Variants in TYW1B observed in about 807,000 individuals in gnomAD.
The protein encoded by TYW1B is S-adenosyl-L-methionine-dependent tRNA 4-demethylwyosine synthase TYW1B.
In TYW1B, 73 loss-of-function variants were observed where a neutral mutation model predicts 86.9. The ratio of observed to expected loss-of-function variants is 0.84; its 90% CI spans 0.70 to 1.02. The LOEUF (loss-of-function observed/expected upper bound fraction) is 1.02. TYW1B is among the 50% of genes least tolerant of loss of function. The pLI, the probability that TYW1B is intolerant of heterozygous loss-of-function variation, is 0.00. For synonymous variants in TYW1B, 248 were observed against 292.8 expected, an observed-to-expected ratio of 0.85 and a Z score of 1.56; for missense variants, 637 against 827.4, an observed-to-expected ratio of 0.77 and a Z score of 2.82.
intron 11 of TYW1B, among the ~76,000 whole-genome samples, chr7:72,681,160 C>T (rs1813864851): frequency 6.6e-6 from 1 of 152,116 alleles, no homozygotes; most frequent in Admixed American, 6.6e-5. Flanking sequence ...TTTCAGAGAC[C>T]CAAGCTTTCA....
intron 3 of TYW1B, among the ~76,000 whole-genome samples, chr7:72,812,237 A>T (rs1554478493): frequency 6.6e-6 from 1 of 152,038 alleles, no homozygotes; most frequent in African/African-American, 2.4e-5. Context: ...CCTTACACAC[A>T]TAGCCTGTAG....
chr7:72,761,961 C>T (rs373479828), intron 7 of TYW1B, among the ~76,000 whole-genome samples: 6 of 151,538 alleles, frequency 4.0e-5, no homozygotes, highest in Admixed American at 1.3e-4. Context: ...GAATTCTGCA[C>T]GTGATTAAGT....
At chr7:72,663,777 A>AAG (rs1813395015) in intron 11 of TYW1B, among the ~76,000 whole-genome samples, 2 of 150,558 alleles carry the variant, frequency 1.3e-5, no homozygotes, top group African/African-American at 2.4e-5. Flanking sequence ...AAAAAAAAAA[A>AAG]AAAAAAAATC....
chr7:72,713,646 T>C lies in TYW1B; in HGVS notation c.1345A>G (p.Asn449Asp). The C allele has an allele frequency of 6.2e-7, 1 of 1,614,080 alleles. No individual in the cohort carries two copies. Among genetic ancestry groups the C allele is most frequent in the Admixed American group, 1.7e-5 (1 of 59,992 alleles). The change falls in exon 10 of 14, where the codon AAT becomes GAT. Residue 449 changes from asparagine (N) to aspartate (D), a missense_variant. Coordinates refer to ENST00000620995, the MANE Select transcript of TYW1B (RefSeq NM_001145440.3). ...CTGATTTCCGCAGGAAATTGTGCAT[T>C]TGTGACCAGGAAGCTGGAGATTTTA... ...QCKISSFLVT[N>D]AQFPAEIRNL... is the part of the protein sequence containing the mutation.
intron 3 of TYW1B, among the ~76,000 whole-genome samples, chr7:72,811,413 C>T (rs1178331736): frequency 6.6e-6 from 1 of 151,928 alleles, no homozygotes; most frequent in East Asian, 1.9e-4. Context: ...GAGAAAACAA[C>T]AGCTCACGTT....
intron 13 of TYW1B, among the ~76,000 whole-genome samples, chr7:72,577,350 A>G (rs1196138367): frequency 6.6e-6 from 1 of 152,220 alleles, no homozygotes; most frequent in Non-Finnish European, 1.5e-5. Context: ...TATGAATTAG[A>G]GGAAATTTTC....
At chr7:72,608,157 AC>A (rs1164537587) in intron 13 of TYW1B, among the ~76,000 whole-genome samples, 2 of 152,222 alleles carry the variant, frequency 1.3e-5, no homozygotes, top group Non-Finnish European at 2.9e-5. Flanking sequence ...TTGCTATCAC[AC>A]TGGCTCTAAG....
intron 11 of TYW1B, among the ~76,000 whole-genome samples, chr7:72,675,556 T>TATAC (rs1491419640): frequency 2.3e-4 from 31 of 136,038 alleles, no homozygotes; most frequent in Admixed American, 1.6e-3. Context: ...TATATATATA[T>TATAC]ACACACATAT....
chr7:72,759,743 GAGA>G (rs1787656271), intron 7 of TYW1B, among the ~76,000 whole-genome samples: 2 of 152,318 alleles, frequency 1.3e-5, no homozygotes, highest in Admixed American at 1.3e-4. Context: ...AAAAGAGAGA[GAGA>G]AGTCTTTTAA....
chr7:72,761,298 G>GT (rs1283430139), intron 7 of TYW1B, among the ~76,000 whole-genome samples: 1 of 151,928 alleles, frequency 6.6e-6, no homozygotes, highest in African/African-American at 2.4e-5. Flanking sequence ...TGCTTTCTAG[G>GT]TTTTCACTAA....
At chr7:72,612,502 T>C in intron 13 of TYW1B, among the ~76,000 whole-genome samples, 1 of 152,196 alleles carries the variant, frequency 6.6e-6, no homozygotes. Context: ...AGCGAGATAC[T>C]GCATTGTCTT....
At chr7:72,759,735 A>G (rs1330158143) in intron 7 of TYW1B, among the ~76,000 whole-genome samples, 2 of 152,186 alleles carry the variant, frequency 1.3e-5, no homozygotes, top group East Asian at 1.9e-4. Flanking sequence ...TATTCTTAAA[A>G]AGAGAGAGAG....
intron 13 of TYW1B, among the ~76,000 whole-genome samples, chr7:72,600,964 T>G (rs1293518944): frequency 1.4e-4 from 21 of 152,030 alleles, no homozygotes; most frequent in Non-Finnish European, 1.6e-4. Context: ...GAGACCAGCC[T>G]GGCTAACATG....
chr7:72,608,151 T>C (rs140495665), intron 13 of TYW1B, among the ~76,000 whole-genome samples: 2,028 of 152,326 alleles, frequency 0.013, 43 homozygotes, highest in African/African-American at 0.046. Context: ...GACTGGTTGC[T>C]ATCACACTGG....
chr7:72,702,542 C>A (rs1167756679), intron 10 of TYW1B, among the ~76,000 whole-genome samples: 1 of 151,894 alleles, frequency 6.6e-6, no homozygotes, highest in Non-Finnish European at 1.5e-5. Context: ...TGCCCGCCAC[C>A]ACACCCGGCT....
At chr7:72,740,298 G>A (rs1484971688) in intron 8 of TYW1B, among the ~76,000 whole-genome samples, 2 of 151,922 alleles carry the variant, frequency 1.3e-5, no homozygotes, top group South Asian at 2.1e-4. Flanking sequence ...TACTCAGGAG[G>A]CTGAGGCATG....
At chr7:72,638,108 T>A (rs2129568958) in intron 11 of TYW1B, among the ~76,000 whole-genome samples, 1 of 150,190 alleles carries the variant, frequency 6.7e-6, no homozygotes, top group South Asian at 2.2e-4. Context: ...CATGCAGAAA[T>A]GTTAATCTGA....
At chr7:72,633,170 C>A (rs138772145) in intron 11 of TYW1B, among the ~76,000 whole-genome samples, 1 of 152,258 alleles carries the variant, frequency 6.6e-6, no homozygotes, top group African/African-American at 2.4e-5. Context: ...AAATAACACA[C>A]CCCTTTATTT....
intron 6 of TYW1B, among the ~76,000 whole-genome samples, chr7:72,779,861 GAAA>G (rs1233622939): frequency 9.7e-6 from 1 of 102,854 alleles, no homozygotes; most frequent in Non-Finnish European, 2.0e-5. Flanking sequence ...TACCAAATGA[GAAA>G]AAAAAAAAAA....
Sources: allele counts gnomAD v4.1 joint callset (sites outside exome capture counted in the v4.1 genomes callset), GRCh38; gene constraint gnomAD v4.1.1; transcripts MANE v1.5; gene names NCBI Gene and HGNC (gene_info 2026-07-23, HGNC 2026-07-21).